RTTN: variants seen among roughly 807,000 people sequenced by gnomAD.
RTTN encodes the protein rotatin.
RTTN carries 182 observed loss-of-function variants against 269.2 expected under a neutral mutation model. The ratio of observed to expected loss-of-function variants is 0.68; its 90% confidence interval spans 0.60 to 0.76. The LOEUF (loss-of-function observed/expected upper bound fraction) is 0.76. Ranked by LOEUF, RTTN falls within the 30% of genes least tolerant of loss-of-function variation. The pLI, the probability that RTTN is intolerant of heterozygous loss-of-function variation, is 0.00. For synonymous variants in RTTN, 1,006 were observed against 963.5 expected, an observed-to-expected ratio of 1.04 and a Z score of -0.82; for missense variants, 2,545 against 2,608.6, an observed-to-expected ratio of 0.98 and a Z score of 0.53.
intron 23 of RTTN, chr18:70,129,598 T>C (rs2059949145): frequency 6.6e-6 from 1 of 150,774 alleles, no homozygotes; most frequent in Admixed American, 6.7e-5. Flanking sequence ...ACTAGATCTC[T>C]ATCTCTCGCC....
intron 10 of RTTN, among the ~76,000 whole-genome samples, chr18:70,184,722 G>GTC (rs2061503245): frequency 8.0e-5 from 2 of 25,036 alleles, no homozygotes; most frequent in Admixed American, 7.6e-4. Context: ...TTTTTTGTGT[G>GTC]TGTGTGTGTG....
At chr18:70,132,956 A>C (rs572906760) in intron 23 of RTTN, among the ~76,000 whole-genome samples, 2 of 152,204 alleles carry the variant, frequency 1.3e-5, no homozygotes, top group South Asian at 4.2e-4. Context: ...ATAGATATGG[A>C]ATGTCAAGAA....
At chr18:70,181,904 C>T (rs1313875765) in intron 10 of RTTN, among the ~76,000 whole-genome samples, 2 of 152,080 alleles carry the variant, frequency 1.3e-5, no homozygotes, top group East Asian at 3.8e-4. Context: ...ACAGAATTAA[C>T]CTTTAAAGTA....
intron 40 of RTTN, among the ~76,000 whole-genome samples, chr18:70,045,900 A>G (rs1256383243): frequency 6.6e-6 from 1 of 152,242 alleles, no homozygotes; most frequent in Non-Finnish European, 1.5e-5. Flanking sequence ...GTCATTAGGA[A>G]AATCATTGAG....
chr18:70,190,865 T>C (rs2061654652), intron 8 of RTTN, 146 bp from the exon 9 acceptor site: 3 of 548,856 alleles, frequency 5.5e-6, no homozygotes, highest in African/African-American at 3.8e-5. Flanking sequence ...TGTAGAAACT[T>C]TGACAAATTT....
chr18:70,021,841 G>C (rs544655715), intron 44 of RTTN, among the ~76,000 whole-genome samples: 1 of 152,172 alleles, frequency 6.6e-6, no homozygotes, highest in South Asian at 2.1e-4. Flanking sequence ...ATTATTCAAA[G>C]GAATAAGCCA....
At chr18:70,152,446 G>C (rs2060564103) in intron 14 of RTTN, among the ~76,000 whole-genome samples, 1 of 152,106 alleles carries the variant, frequency 6.6e-6, no homozygotes, top group Non-Finnish European at 1.5e-5. Flanking sequence ...ACTTATAAAA[G>C]TACTTGATAC....
chr18:70,121,050 CA>C (rs1182902130), intron 26 of RTTN, among the ~76,000 whole-genome samples: 1 of 147,318 alleles, frequency 6.8e-6, no homozygotes, highest in East Asian at 2.0e-4. Flanking sequence ...GACGCCGTCT[CA>C]AAAAAAATAA....
At chr18:70,188,308 C>T (rs575081513) in intron 9 of RTTN, 85 bp from the exon 10 acceptor site, 1 of 737,094 alleles carries the variant, frequency 1.4e-6, no homozygotes, top group South Asian at 1.6e-5. Context: ...GCTCAATTTT[C>T]TAGTTAGTCA....
chr18:70,125,896 AT>A (rs2059852496), intron 25 of RTTN, among the ~76,000 whole-genome samples: 1 of 152,038 alleles, frequency 6.6e-6, no homozygotes, highest in African/African-American at 2.4e-5. Context: ...AAAAAGGTGG[AT>A]TCTGTGATAT....
intron 40 of RTTN, among the ~76,000 whole-genome samples, chr18:70,043,263 A>C (rs2057397432): frequency 6.6e-6 from 1 of 152,238 alleles, no homozygotes; most frequent in Admixed American, 6.5e-5. Flanking sequence ...AATTACCTCT[A>C]AGGCAAACAA....
intron 15 of RTTN, 42 bp from the exon 16 acceptor site, chr18:70,150,129 G>A (rs1265195748): frequency 4.9e-6 from 6 of 1,212,340 alleles, no homozygotes; most frequent in African/African-American, 3.0e-5. Flanking sequence ...CAAATGAGAT[G>A]TCCCGCTAGG....
At chr18:70,062,984 T>C (rs1413685505) in intron 35 of RTTN, among the ~76,000 whole-genome samples, 1 of 152,196 alleles carries the variant, frequency 6.6e-6, no homozygotes, top group Non-Finnish European at 1.5e-5. Context: ...TATATTGTTA[T>C]ATATCTATCA....
intron 44 of RTTN, 170 bp from the exon 45 acceptor site, chr18:70,020,987 T>C (rs973009661): frequency 9.3e-6 from 5 of 540,108 alleles, no homozygotes; most frequent in African/African-American, 3.8e-5. Flanking sequence ...CTAATAGATA[T>C]ACTGTCCTCA....
chr18:70,027,139 C>G (rs2145568899), intron 43 of RTTN, among the ~76,000 whole-genome samples: 1 of 152,288 alleles, frequency 6.6e-6, no homozygotes, highest in East Asian at 1.9e-4. Context: ...TATGACAGTC[C>G]CCTCCGTCTA....
intron 40 of RTTN, among the ~76,000 whole-genome samples, chr18:70,043,231 G>A (rs2057396706): frequency 6.6e-6 from 1 of 152,338 alleles, no homozygotes; most frequent in East Asian, 1.9e-4. Flanking sequence ...AGGAAAGTCA[G>A]CACGTTTTAA....
chr18:70,025,091 G>A (rs1264285525), intron 43 of RTTN, among the ~76,000 whole-genome samples: 1 of 152,176 alleles, frequency 6.6e-6, no homozygotes, highest in African/African-American at 2.4e-5. Flanking sequence ...AGGAAGCATA[G>A]AAAATAGCCT....
chr18:70,093,291 C>T (rs1404884440), intron 28 of RTTN, among the ~76,000 whole-genome samples: 1 of 150,774 alleles, frequency 6.6e-6, no homozygotes, highest in Non-Finnish European at 1.5e-5. Flanking sequence ...TGGTGCCCTC[C>T]TAGTACACAG....
intron 32 of RTTN, among the ~76,000 whole-genome samples, chr18:70,086,370 G>C (rs1274733134): frequency 6.6e-6 from 1 of 152,040 alleles, no homozygotes; most frequent in Non-Finnish European, 1.5e-5. Flanking sequence ...ATTTCTAGAA[G>C]GGTGCCTAAA....
Sources: allele counts gnomAD v4.1 joint callset (sites outside exome capture counted in the v4.1 genomes callset), GRCh38; gene constraint gnomAD v4.1.1; transcripts MANE v1.5; gene names NCBI Gene and HGNC (gene_info 2026-07-23, HGNC 2026-07-21).